Variants in ANKRD31 observed in about 807,000 individuals in gnomAD.
The protein encoded by ANKRD31 is ankyrin repeat domain-containing protein 31.
In ANKRD31, 147 loss-of-function variants were observed where a neutral mutation model predicts 186.0. That is an observed-to-expected ratio of 0.79 (90% CI 0.69 to 0.91). The LOEUF (loss-of-function observed/expected upper bound fraction) is 0.91, where lower values mean the gene tolerates loss of function less well. Among genes scored for constraint, ANKRD31 ranks in the 40% least tolerant of loss-of-function variants. The pLI is 0.00. For missense variants in ANKRD31, 1,986 were observed against 2,148.8 expected (o/e 0.92, Z 1.50); for synonymous variants, 673 against 736.4 (o/e 0.91, Z 1.39).
chr5:75,176,457 G>A (rs538521110), intron 10 of ANKRD31, among the ~76,000 whole-genome samples: 90 of 152,332 alleles, frequency 5.9e-4, no homozygotes, highest in African/African-American at 1.9e-3. Context: ...CCTGACCCCC[G>A]AGTAGCCTAA....
intron 6 of ANKRD31, among the ~76,000 whole-genome samples, chr5:75,199,416 C>T (rs1006903692): frequency 1.3e-5 from 2 of 152,060 alleles, no homozygotes; most frequent in Non-Finnish European, 2.9e-5. Context: ...CTTAACAGTA[C>T]TGGATAAGAG....
At chr5:75,101,425 G>A (rs1580327305) in intron 22 of ANKRD31, among the ~76,000 whole-genome samples, 1 of 152,200 alleles carries the variant, frequency 6.6e-6, no homozygotes, top group African/African-American at 2.4e-5. Flanking sequence ...TTCTTGAGGA[G>A]TATCTTTATG....
At chr5:75,189,195 C>A (rs867330775) in intron 9 of ANKRD31, among the ~76,000 whole-genome samples, 3 of 152,108 alleles carry the variant, frequency 2.0e-5, no homozygotes, top group Non-Finnish European at 2.9e-5. Flanking sequence ...CAGCCTTGAT[C>A]CTTGCAATTG....
At chr5:75,223,992 C>A (rs1757457562) in intron 2 of ANKRD31, among the ~76,000 whole-genome samples, 1 of 151,794 alleles carries the variant, frequency 6.6e-6, no homozygotes, top group Admixed American at 6.6e-5. Context: ...TTTTGGATTT[C>A]TCATCCTCCA....
rs1019335433 is a variant in ANKRD31, at chr5:75,116,581, T to G, written c.4140A>C (p.Arg1380Ser). The G allele has an allele frequency of 6.9e-7, 1 of 1,439,512 alleles. No individual in the cohort carries two copies. Among genetic ancestry groups the G allele is most frequent in the Non-Finnish European group, 9.2e-7 (1 of 1,090,742 alleles). The allele number at this position is 1,439,512 out of a possible 1,614,324, so 89.2% of individuals were successfully genotyped here. Residue 1380 changes from arginine (R) to serine (S), a missense_variant, in exon 19 of 26, where the codon AGA (arginine) becomes AGC (serine). By Grantham distance (110) the Arg-to-Ser change is moderately radical (BLOSUM62 -1). Coordinates refer to ENST00000506364, the MANE Select transcript of ANKRD31 (RefSeq NM_001372053.1). ...SSSLSHQERS[R>S]ESLSVHQTLS... ...CTTCACTCACCACAGAAAGGCTTTCTCTTGATCTTTCTTGGTGTGAAAGGG... is the reference window on the plus strand; with the variant it reads ...CTTCACTCACCACAGAAAGGCTTTCGCTTGATCTTTCTTGGTGTGAAAGGG...
chr5:75,165,397 T>G (rs1752848262), intron 11 of ANKRD31, among the ~76,000 whole-genome samples: 1 of 152,146 alleles, frequency 6.6e-6, no homozygotes, highest in Admixed American at 6.6e-5. Context: ...GTAAGTATAT[T>G]AGATGATAAA....
chr5:75,110,478 G>A (rs1304502884), intron 20 of ANKRD31, among the ~76,000 whole-genome samples: 2 of 151,896 alleles, frequency 1.3e-5, no homozygotes, highest in South Asian at 2.1e-4. Flanking sequence ...TTGGGAGGTC[G>A]AGGTGGGCCG....
chr5:75,195,824 T>A lies in ANKRD31; in HGVS notation c.824A>T (p.Asp275Val). Residue 275 changes from aspartate (D) to valine (V), a missense_variant, in exon 7 of 26, where the codon GAT (aspartate) becomes GTT (valine). Transcript: ENST00000506364. Reference protein sequence around the residue: ...PLNSWSACHRDLLEDAKDDAL... With the variant: ...PLNSWSACHRVLLEDAKDDAL... ...ATCATCTTTTGCATCTTCTAGTAAATCTCTATGACATGCCGACCAGGAATT... is the reference window on the plus strand; with the variant it reads ...ATCATCTTTTGCATCTTCTAGTAAAACTCTATGACATGCCGACCAGGAATT... 1 of 1,537,252 alleles carries A rather than the reference T, an allele frequency of 6.5e-7. No homozygotes were observed. Among genetic ancestry groups the A allele is most frequent in the South Asian group, 1.2e-5 (1 of 84,040 alleles).
At chr5:75,157,613 C>T (rs1182566186) in intron 11 of ANKRD31, among the ~76,000 whole-genome samples, 3 of 152,132 alleles carry the variant, frequency 2.0e-5, no homozygotes, top group African/African-American at 7.2e-5. Context: ...GAATGTGACT[C>T]ATGGACCCAT....
At chr5:75,078,030 A>C (rs1009287433) in intron 25 of ANKRD31, among the ~76,000 whole-genome samples, 5 of 152,166 alleles carry the variant, frequency 3.3e-5, no homozygotes, top group African/African-American at 7.2e-5. Flanking sequence ...ACAATCAACA[A>C]ATATTTAATT....
intron 11 of ANKRD31, among the ~76,000 whole-genome samples, chr5:75,162,327 G>A (rs774603306): frequency 2.6e-4 from 39 of 152,246 alleles, no homozygotes; most frequent in Middle Eastern, 3.4e-3. Flanking sequence ...TGACTGCCCC[G>A]CTGGATTTCG....
intron 3 of ANKRD31, among the ~76,000 whole-genome samples, chr5:75,220,071 T>C (rs1424925269): frequency 3.9e-5 from 6 of 152,120 alleles, no homozygotes; most frequent in Admixed American, 3.9e-4. Flanking sequence ...ATTTTGGACA[T>C]GGAAACTGGC....
At chr5:75,179,682 A>T (rs569542354) in intron 10 of ANKRD31, among the ~76,000 whole-genome samples, 1 of 152,176 alleles carries the variant, frequency 6.6e-6, no homozygotes, top group South Asian at 2.1e-4. Flanking sequence ...AAATTCAACA[A>T]CCCTTCATGT....
At chr5:75,184,553 A>T (rs80011239) in intron 10 of ANKRD31, among the ~76,000 whole-genome samples, 8,062 of 151,972 alleles carry the variant, frequency 0.053, 722 homozygotes, top group African/African-American at 0.18. Context: ...AATAGCCAAA[A>T]AATAATAATA....
At chr5:75,113,876 G>C (rs1415501069) in intron 19 of ANKRD31, among the ~76,000 whole-genome samples, 1 of 152,084 alleles carries the variant, frequency 6.6e-6, no homozygotes, top group Non-Finnish European at 1.5e-5. Flanking sequence ...CAAACAAAAG[G>C]CCAGAATTTG....
Position 75,146,449 on chromosome 5 carries a change from T to C in ANKRD31, c.2962A>G (p.Asn988Asp), listed in dbSNP as rs1751445486. 6.5e-7 allele frequency: 1 copy of C among 1,536,320 alleles called. No homozygotes were observed. Among genetic ancestry groups the C allele is most frequent in the African/African-American group, 1.4e-5 (1 of 72,974 alleles). Reference sequence around the variant, plus strand: ...GGTCCAAATATGCATTGTTCATAATTTGCAACATGTTCAGAAATAACTGCA... The same window carrying C: ...GGTCCAAATATGCATTGTTCATAATCTGCAACATGTTCAGAAATAACTGCA... The part of the protein sequence containing the change: ...DNAVISEHVA[N>D]YEQCIFGPSF... Residue 988 changes from asparagine (N) to aspartate (D), a missense_variant, in exon 14 of 26, where the codon AAT becomes GAT. Coordinates refer to ENST00000506364, the MANE Select transcript of ANKRD31 (RefSeq NM_001372053.1).
At chr5:75,191,092 C>T (rs1446361172) in intron 9 of ANKRD31, among the ~76,000 whole-genome samples, 1 of 152,064 alleles carries the variant, frequency 6.6e-6, no homozygotes, top group Non-Finnish European at 1.5e-5. Flanking sequence ...AAAAGACTTT[C>T]TCCACACCAA....
At chr5:75,136,490 C>T (rs1028894947) in intron 17 of ANKRD31, among the ~76,000 whole-genome samples, 4 of 152,096 alleles carry the variant, frequency 2.6e-5, no homozygotes, top group African/African-American at 9.7e-5. Flanking sequence ...GTTAAAATGG[C>T]CATCATTAAA....
At position 75,210,931 on chromosome 5, in the gene ANKRD31, A is replaced by AT. The variant is rs1479873298; in HGVS notation, c.289-67dup. 57 of 1,108,744 alleles carry AT rather than the reference A, an allele frequency of 5.1e-5. No homozygotes were observed. In the South Asian group the frequency reaches 5.3e-4, roughly 10 times the overall value. 68.7% of individuals were successfully genotyped at this position (1,108,744 alleles called of 1,614,324 possible). A position where few individuals can be genotyped will look rare whatever the true frequency, so the allele number is the denominator to read the frequency against. On this transcript the variant is annotated intron_variant, in intron 3 of 25. Coordinates refer to ENST00000506364, the MANE Select transcript of ANKRD31 (RefSeq NM_001372053.1). ...TAATTCAATGCAACAAGCTAAAAAA[A>AT]TTAACATTTAAAGTAATTTTTGTGT...
Sources: allele counts gnomAD v4.1 joint callset (sites outside exome capture counted in the v4.1 genomes callset), GRCh38; gene constraint gnomAD v4.1.1; transcripts MANE v1.5; gene names NCBI Gene and HGNC (gene_info 2026-07-23, HGNC 2026-07-21).